LYRM4: variants seen among roughly 807,000 people sequenced by gnomAD.
The protein encoded by LYRM4 is LYR motif containing 4.
LYRM4 carries 9 observed loss-of-function variants against 11.7 expected under a neutral mutation model. That is an observed-to-expected ratio of 0.77 (90% CI 0.46 to 1.34). The LOEUF (loss-of-function observed/expected upper bound fraction) is 1.34. Ranked by LOEUF, LYRM4 falls within the 40% of genes most tolerant of loss-of-function variation. LYRM4 has a pLI of 0.00. For missense variants in LYRM4, 133 were observed against 112.5 expected, an observed-to-expected ratio of 1.18 and a Z score of -0.82; for synonymous variants, 42 against 40.4, an observed-to-expected ratio of 1.04 and a Z score of -0.15.
chr6:5,066,270 C>T, the LYRM4 span: 6 of 716,776 alleles, frequency 8.4e-6, no homozygotes, highest in East Asian at 5.6e-5. Context: ...GGGGATCTGC[C>T]GTTAGTTTCT....
At chr6:5,181,167 A>T (rs1248304377) in intron 2 of LYRM4, among the ~76,000 whole-genome samples, 1 of 152,002 alleles carries the variant, frequency 6.6e-6, no homozygotes. Flanking sequence ...GTTTGTTTTT[A>T]AAAAAACAAA....
chr6:5,241,245 T>C (rs1025743187), intron 1 of LYRM4, among the ~76,000 whole-genome samples: 2 of 152,236 alleles, frequency 1.3e-5, no homozygotes, highest in East Asian at 3.8e-4. Context: ...CCTCATTTCA[T>C]AGTGACTCTA....
At chr6:5,182,078 C>T (rs1283950681) in intron 2 of LYRM4, among the ~76,000 whole-genome samples, 1 of 152,180 alleles carries the variant, frequency 6.6e-6, no homozygotes, top group Non-Finnish European at 1.5e-5. Flanking sequence ...AAATGAACTT[C>T]GCCCATAATG....
At chr6:5,226,949 T>C (rs1159480956) in intron 1 of LYRM4, among the ~76,000 whole-genome samples, 6 of 151,952 alleles carry the variant, frequency 3.9e-5, no homozygotes, top group Non-Finnish European at 7.4e-5. Flanking sequence ...GAGAAGAGAA[T>C]GGGGAAGGGT....
chr6:5,191,774 T>G (rs1760768709), intron 2 of LYRM4, among the ~76,000 whole-genome samples: 1 of 152,192 alleles, frequency 6.6e-6, no homozygotes, highest in African/African-American at 2.4e-5. Context: ...ATGTTTACAG[T>G]GTAAACATCT....
chr6:5,112,597 G>A (rs1430133536), intron 2 of LYRM4, among the ~76,000 whole-genome samples: 5 of 152,238 alleles, frequency 3.3e-5, no homozygotes, highest in African/African-American at 9.6e-5. Context: ...CACCTTGTGC[G>A]GGTGAGACTT....
At chr6:5,157,064 C>T (rs1319579387) in intron 2 of LYRM4, among the ~76,000 whole-genome samples, 4 of 152,166 alleles carry the variant, frequency 2.6e-5, no homozygotes, top group Non-Finnish European at 4.4e-5. Context: ...GTCAGATAAA[C>T]AGCACTGAGC....
chr6:5,113,278 T>A, intron 2 of LYRM4: 1 of 440,574 alleles, frequency 2.3e-6, no homozygotes, highest in Non-Finnish European at 4.5e-6. Context: ...ACTAAAAATA[T>A]ATAGGCCATG....
chr6:5,115,008 T>A (rs1331468489), intron 2 of LYRM4, among the ~76,000 whole-genome samples: 1 of 152,228 alleles, frequency 6.6e-6, no homozygotes, highest in Non-Finnish European at 1.5e-5. Context: ...ACTTGCTTTT[T>A]AACTTCATAT....
chr6:5,230,863 C>T (rs952671068), intron 1 of LYRM4, among the ~76,000 whole-genome samples: 6 of 152,160 alleles, frequency 3.9e-5, no homozygotes, highest in African/African-American at 9.7e-5. Flanking sequence ...CTTCTGGACA[C>T]GTCATCAAGG....
At chr6:5,066,164 A>G in the LYRM4 span, 1 of 636,994 alleles carries the variant, frequency 1.6e-6, no homozygotes, top group African/African-American at 1.8e-5. Context: ...TTTTGGGTGT[A>G]TACATCAAAT....
chr6:5,202,777 T>A (rs1029552226), intron 2 of LYRM4, among the ~76,000 whole-genome samples: 1 of 152,230 alleles, frequency 6.6e-6, no homozygotes, highest in Non-Finnish European at 1.5e-5. Context: ...TAAAATTTTG[T>A]TGGCTTAGAC....
chr6:5,123,449 C>T (rs942098575), intron 2 of LYRM4, among the ~76,000 whole-genome samples: 12 of 152,326 alleles, frequency 7.9e-5, no homozygotes, highest in Admixed American at 7.8e-4. Flanking sequence ...GTAGGACCCC[C>T]ACATCGCAGG....
chr6:5,060,484 C>T, the LYRM4 span, among the ~76,000 whole-genome samples: 1 of 142,038 alleles, frequency 7.0e-6, no homozygotes, highest in African/African-American at 2.6e-5. Context: ...CTTATAGTCC[C>T]CTTGAGTTTC....
intron 2 of LYRM4, among the ~76,000 whole-genome samples, chr6:5,180,307 C>T (rs1227795271): frequency 3.9e-5 from 6 of 152,180 alleles, no homozygotes; most frequent in Admixed American, 6.5e-5. Context: ...TCTTCCTAAG[C>T]GTGTGACTGT....
the LYRM4 span, among the ~76,000 whole-genome samples, chr6:5,074,871 C>T: frequency 6.6e-6 from 1 of 152,086 alleles, no homozygotes; most frequent in Non-Finnish European, 1.5e-5. Flanking sequence ...GCTAAATCTC[C>T]TGTTGAATTG....
the LYRM4 span, among the ~76,000 whole-genome samples, chr6:5,080,227 T>TAG: frequency 3.9e-5 from 6 of 152,230 alleles, no homozygotes; most frequent in African/African-American, 7.2e-5. Flanking sequence ...AGGTCCCAGA[T>TAG]ATCTGAGTCC....
chr6:5,041,806 A>C, the LYRM4 span, among the ~76,000 whole-genome samples: 119 of 152,356 alleles, frequency 7.8e-4, no homozygotes, highest in Non-Finnish European at 1.5e-3. Context: ...CTCTGCTAAT[A>C]AACTATAAGA....
the LYRM4 span, among the ~76,000 whole-genome samples, chr6:5,081,772 C>T: frequency 2.0e-5 from 3 of 152,190 alleles, no homozygotes; most frequent in African/African-American, 7.2e-5. Context: ...CCCTTTTGAT[C>T]ACACCTGAAT....
Sources: gnomAD v4.1 joint callset for allele counts (sites outside exome capture counted in the v4.1 genomes callset) on GRCh38, gnomAD v4.1.1 for gene constraint, MANE v1.5 for transcripts, NCBI Gene and HGNC (gene_info 2026-07-23, HGNC 2026-07-21) for gene names.